SLC25A29: variants seen among roughly 807,000 people sequenced by gnomAD.
SLC25A29 encodes the protein mitochondrial basic amino acids transporter.
SLC25A29 carries 13 observed loss-of-function variants against 10.0 expected under a neutral mutation model. The observed-to-expected ratio is 1.30, with a 90% confidence interval of 0.85 to 2.07. SLC25A29 has a LOEUF of 2.07. Ranked by LOEUF, SLC25A29 falls within the 30% of genes most tolerant of loss-of-function variation. The pLI, the probability that SLC25A29 is intolerant of heterozygous loss-of-function variation, is 0.00. For synonymous variants in SLC25A29, 244 were observed against 221.1 expected, an observed-to-expected ratio of 1.10 and a Z score of -0.92; for missense variants, 475 against 447.6, an observed-to-expected ratio of 1.06 and a Z score of -0.55.
intron 1 of SLC25A29, chr14:100,299,705 T>G: frequency 1.0e-6 from 1 of 985,122 alleles, no homozygotes; most frequent in Non-Finnish European, 1.2e-6. Flanking sequence ...GCAGCCTCAT[T>G]ACCCATTTCA....
downstream of SLC25A29, among the ~76,000 whole-genome samples, chr14:100,289,857 T>TAAAA (rs1891625834): frequency 8.3e-6 from 1 of 120,562 alleles, no homozygotes. Flanking sequence ...AAAAAAAAAG[T>TAAAA]TCAAATCAGG....
chr14:100,295,423 G>C (rs901800688), intron 2 of SLC25A29: 5 of 399,164 alleles, frequency 1.3e-5, no homozygotes, highest in Non-Finnish European at 2.2e-5. Flanking sequence ...ATAGGGCCGA[G>C]AGACCCCCAC....
At chr14:100,295,776 C>T (rs754957345) in intron 2 of SLC25A29, 2 of 1,289,586 alleles carry the variant, frequency 1.6e-6, no homozygotes, top group Non-Finnish European at 2.0e-6. Flanking sequence ...CACAGCCAGC[C>T]CCCACCCACA....
intron 1 of SLC25A29, chr14:100,299,753 C>CT (rs1892417320): frequency 4.1e-6 from 4 of 985,450 alleles, no homozygotes; most frequent in Non-Finnish European, 3.6e-6. Context: ...GTAACTGACT[C>CT]TGACTCCCAT....
intron 2 of SLC25A29, chr14:100,295,997 G>A (rs887615567): frequency 1.6e-6 from 2 of 1,289,478 alleles, no homozygotes; most frequent in Admixed American, 2.3e-5. Flanking sequence ...CAAGGGCCTG[G>A]GGGAATAAAC....
chr14:100,279,190 T>TA, the SLC25A29 span: 1 of 152,256 alleles, frequency 6.6e-6, no homozygotes, highest in Non-Finnish European at 1.5e-5. Context: ...ACTGCCATGA[T>TA]ACAGCAAAAT....
chr14:100,295,561 T>C (rs1253457073), intron 2 of SLC25A29: 49 of 1,272,750 alleles, frequency 3.8e-5, no homozygotes, highest in Non-Finnish European at 4.1e-5. Context: ...AACTCTGGGG[T>C]TGGGGAGATG....
the SLC25A29 span, among the ~76,000 whole-genome samples, chr14:100,284,343 C>G: frequency 6.6e-6 from 1 of 152,162 alleles, no homozygotes; most frequent in African/African-American, 2.4e-5. Flanking sequence ...GCAGTGGTGC[C>G]TCCTGGCCTT....
chr14:100,306,121 A>G, intron 1 of SLC25A29, 78 bp downstream of exon 1: 1 of 1,092,948 alleles, frequency 9.1e-7, no homozygotes, highest in Non-Finnish European at 1.2e-6. Flanking sequence ...GGAAGCCGCG[A>G]GGCCAGGGCG....
At chr14:100,300,845 C>T (rs1892491485) in intron 1 of SLC25A29, among the ~76,000 whole-genome samples, 1 of 152,156 alleles carries the variant, frequency 6.6e-6, no homozygotes, top group African/African-American at 2.4e-5. Context: ...TTATTTTACT[C>T]CTTTTTCCAT....
chr14:100,299,199 AG>A lies in SLC25A29; in HGVS notation c.35-315del, dbSNP rs1013852183. Reference sequence around the variant, plus strand: ...CTGACAGCAGAAGTTGTCCCCTGGGAGGCTGCACACACTATTTCTGGGATAT... The same window carrying A: ...CTGACAGCAGAAGTTGTCCCCTGGGAGCTGCACACACTATTTCTGGGATAT... On this transcript the variant is annotated intron_variant, in intron 1 of 3. Transcript: ENST00000359232. 3 of 1,258,698 alleles carry A rather than the reference AG, an allele frequency of 2.4e-6. No individual in the cohort carries two copies. The African/African-American group carries it at 4.7e-5, about 20-fold the overall frequency. The allele number at this position is 1,258,698 out of a possible 1,614,324, so 78.0% of individuals were successfully genotyped here.
downstream of SLC25A29, among the ~76,000 whole-genome samples, chr14:100,290,867 G>A (rs1317714898): frequency 6.6e-6 from 1 of 152,246 alleles, no homozygotes; most frequent in African/African-American, 2.4e-5. Flanking sequence ...TCTCATTGCT[G>A]GGATGATGAT....
At chr14:100,293,580 G>A in intron 2 of SLC25A29, 1 of 587,882 alleles carries the variant, frequency 1.7e-6, no homozygotes, top group Non-Finnish European at 3.0e-6. Context: ...ACAGCTAAAG[G>A]GACAGGCTGC....
chr14:100,282,107 G>A, the SLC25A29 span: 3 of 152,228 alleles, frequency 2.0e-5, no homozygotes, highest in African/African-American at 7.2e-5. Context: ...GCCGTAAGGT[G>A]GGAGGTGACA....
At chr14:100,303,444 C>G (rs1479028845) in intron 1 of SLC25A29, among the ~76,000 whole-genome samples, 4 of 152,228 alleles carry the variant, frequency 2.6e-5, no homozygotes, top group African/African-American at 9.6e-5. Flanking sequence ...AGCAGAAAGA[C>G]CCTTACGCCA....
chr14:100,286,475 G>GA (rs34507502), downstream of SLC25A29, among the ~76,000 whole-genome samples: 3 of 141,308 alleles, frequency 2.1e-5, no homozygotes, highest in East Asian at 4.3e-4. Flanking sequence ...ATGGCTGGGG[G>GA]GGGGGGTGTT....
At chr14:100,286,575 C>G (rs1891548908), downstream of SLC25A29, among the ~76,000 whole-genome samples, 1 of 152,052 alleles carries the variant, frequency 6.6e-6, no homozygotes, top group African/African-American at 2.4e-5. Context: ...GAGCAAGGAG[C>G]CCCTGGGGCA....
At chr14:100,300,910 T>A (rs1390246540) in intron 1 of SLC25A29, among the ~76,000 whole-genome samples, 1 of 152,208 alleles carries the variant, frequency 6.6e-6, no homozygotes, top group Non-Finnish European at 1.5e-5. Flanking sequence ...ATTTATTTTT[T>A]ATTTTTTGAG....
intron 2 of SLC25A29, chr14:100,294,774 T>C (rs191117022): frequency 7.7e-4 from 118 of 152,292 alleles, no homozygotes; most frequent in African/African-American, 2.8e-3. Flanking sequence ...GGGCCCTCTA[T>C]TGGTGAATGC....
Sources: allele counts gnomAD v4.1 joint callset (sites outside exome capture counted in the v4.1 genomes callset), GRCh38; gene constraint gnomAD v4.1.1; transcripts MANE v1.5; gene names NCBI Gene and HGNC (gene_info 2026-07-23, HGNC 2026-07-21).